PELI1: variants seen among roughly 807,000 people sequenced by gnomAD.
PELI1 encodes pellino E3 ubiquitin protein ligase 1.
A neutral mutation model predicts 41.3 loss-of-function variants in PELI1; 15 were observed. The ratio of observed to expected loss-of-function variants is 0.36; its 90% CI spans 0.24 to 0.56. PELI1 has a LOEUF of 0.56. PELI1 is among the 20% of genes least tolerant of loss of function. PELI1 has a pLI of 0.82. For synonymous variants in PELI1, 178 were observed against 180.1 expected, an observed-to-expected ratio of 0.99 and a Z score of 0.09; for missense variants, 403 against 525.5, an observed-to-expected ratio of 0.77 and a Z score of 2.28.
chr2:64,110,315 T>C (rs1422211417), intron 1 of PELI1, among the ~76,000 whole-genome samples: 2 of 149,010 alleles, frequency 1.3e-5, no homozygotes, highest in African/African-American at 5.0e-5. Flanking sequence ...ACTGCATTTA[T>C]AACGACAATT....
In PELI1 at chr2:64,101,824, A is replaced by ATT. The variant is rs34370706; in HGVS notation, c.202-1327_202-1326dup. ...CTTAATACTGCCACTTTTGCTTCTG[A>ATT]TTTTTTTTTTTTTTTTTTTTGGAGA... is the stretch of plus-strand genomic sequence containing the variant. On this transcript the variant is annotated intron_variant, in intron 3 of 6. Transcript: ENST00000358912. Among the ~76,000 whole-genome samples the ATT allele has an allele frequency of 4.7e-3, 567 of 121,074 alleles. 7 individuals carry two copies. Among genetic ancestry groups the ATT allele is most frequent in the Middle Eastern group, 0.034 (8 of 238 alleles). 79.4% of individuals were successfully genotyped at this position (121,074 alleles called of 152,430 possible).
At chr2:64,100,993 G>A (rs1222699537) in intron 3 of PELI1, among the ~76,000 whole-genome samples, 1 of 152,112 alleles carries the variant, frequency 6.6e-6, no homozygotes, top group African/African-American at 2.4e-5. Context: ...GCCTCCCAAA[G>A]TGCTAGGATT....
chr2:64,109,585 C>A (rs1680737072), intron 1 of PELI1, among the ~76,000 whole-genome samples: 1 of 152,146 alleles, frequency 6.6e-6, no homozygotes, highest in South Asian at 2.1e-4. Context: ...GAGGTTGAGG[C>A]AGGAGAACCA....
chr2:64,104,213 T>C (rs975721127), intron 3 of PELI1, among the ~76,000 whole-genome samples: 1 of 152,224 alleles, frequency 6.6e-6, no homozygotes, highest in Non-Finnish European at 1.5e-5. Context: ...TATGAAGTTA[T>C]AAACCAAAAA....
intron 1 of PELI1, among the ~76,000 whole-genome samples, chr2:64,131,409 A>G (rs1175104245): frequency 6.6e-6 from 1 of 152,020 alleles, no homozygotes; most frequent in Admixed American, 6.6e-5. Flanking sequence ...AAGTGCTATG[A>G]AAATAGTTGT....
chr2:64,106,661 G>T (rs1309673771), intron 2 of PELI1, among the ~76,000 whole-genome samples: 1 of 152,124 alleles, frequency 6.6e-6, no homozygotes, highest in African/African-American at 2.4e-5. Context: ...CATTTTTACA[G>T]ACAAGGAAAC....
chr2:64,113,342 T>G (rs1680886696), intron 1 of PELI1, among the ~76,000 whole-genome samples: 1 of 151,916 alleles, frequency 6.6e-6, no homozygotes, highest in African/African-American at 2.4e-5. Flanking sequence ...CTTGAGAACT[T>G]TAAATGAGTA....
At chr2:64,107,915 T>G (rs1230535212) in intron 2 of PELI1, among the ~76,000 whole-genome samples, 1 of 152,168 alleles carries the variant, frequency 6.6e-6, no homozygotes, top group Non-Finnish European at 1.5e-5. Context: ...TGGCCTCAGG[T>G]AATCTGCCTG....
chr2:64,098,691 T>C lies in PELI1; in HGVS notation c.303+1707A>G, dbSNP rs145910014. On this transcript the variant is annotated intron_variant, in intron 4 of 6. Transcript: ENST00000358912. ...GTACTTCATAGTGACAAACAAGGCATAGAGTTGGAGTTGGAATATCTGATG... is the reference window on the plus strand; with the variant it reads ...GTACTTCATAGTGACAAACAAGGCACAGAGTTGGAGTTGGAATATCTGATG... Among the ~76,000 whole-genome samples, 200 of 152,308 alleles carry C rather than the reference T, an allele frequency of 1.3e-3. 1 individual carries two copies. Among genetic ancestry groups the C allele is most frequent in the African/African-American group, 4.5e-3 (188 of 41,570 alleles).
rs1483374933 is a variant in PELI1, at chr2:64,092,714, C to T, written c.*1988G>A. The T allele has an allele frequency of 1.3e-5, 2 of 152,160 alleles. No homozygotes were observed. The highest frequency in any genetic ancestry group is 4.8e-5 in the African/African-American group (2 of 41,428). 9.4% of individuals were successfully genotyped at this position (152,160 alleles called of 1,614,324 possible). A position where few individuals can be genotyped will look rare whatever the true frequency, so the allele number is the denominator to read the frequency against. On this transcript the variant is annotated 3_prime_UTR_variant, in exon 7 of 7. Transcript: ENST00000358912. ...GATGCTTTTAAAAAAGAACCAGATA[C>T]TTTAAAGTGTTACATTAAATGCAAA...
At chr2:64,101,734 G>A (rs1393346546) in intron 3 of PELI1, among the ~76,000 whole-genome samples, 1 of 150,992 alleles carries the variant, frequency 6.6e-6, no homozygotes, top group Non-Finnish European at 1.5e-5. Flanking sequence ...TATACAAAGA[G>A]AATACAGAAA....
intron 1 of PELI1, among the ~76,000 whole-genome samples, chr2:64,115,140 T>C (rs1394277940): frequency 6.6e-6 from 1 of 152,172 alleles, no homozygotes; most frequent in Non-Finnish European, 1.5e-5. Flanking sequence ...TTTCTGTACA[T>C]TTAAAATATT....
At position 64,104,697 on chromosome 2, in the gene PELI1, T is replaced by A; in HGVS notation, c.201+4A>T. 1 of 1,551,130 alleles carries A rather than the reference T, an allele frequency of 6.4e-7. No homozygotes were observed. ...TTTATGTAGCTTTTTTTTTTTTTTT[T>A]TACCTTTGCAGCCTGAGGAGTACAA... On this transcript the variant is annotated splice_donor_region_variant and intron_variant, in intron 3 of 6. Transcript: ENST00000358912.
At chr2:64,114,071 G>C (rs1462588322) in intron 1 of PELI1, among the ~76,000 whole-genome samples, 1 of 152,058 alleles carries the variant, frequency 6.6e-6, no homozygotes, top group Non-Finnish European at 1.5e-5. Flanking sequence ...GTGGGCAAGT[G>C]GGTAGGCATA....
Position 64,120,019 on chromosome 2 carries a change from T to C in PELI1, c.-69-11640A>G, listed in dbSNP as rs146266477. ...TACTATATTATCCCAGGCATAAAAA[T>C]AGGTGAACATTCAATCACATTTTCA... On this transcript the variant is annotated intron_variant, in intron 1 of 6. Transcript: ENST00000358912. Among the ~76,000 whole-genome samples, 41 of 152,340 alleles carry C rather than the reference T, an allele frequency of 2.7e-4. No homozygotes were observed. In the East Asian group the frequency reaches 7.5e-3, roughly 28 times the overall value.
At chr2:64,103,500 A>G (rs553770362) in intron 3 of PELI1, among the ~76,000 whole-genome samples, 7 of 152,068 alleles carry the variant, frequency 4.6e-5, no homozygotes, top group African/African-American at 1.7e-4. Flanking sequence ...CTCCGGGGGG[A>G]GCTACTGTAA....
chr2:64,129,596 T>C (rs1054530402), intron 1 of PELI1, among the ~76,000 whole-genome samples: 1 of 152,176 alleles, frequency 6.6e-6, no homozygotes, highest in East Asian at 1.9e-4. Context: ...TCATGAGATA[T>C]ATTATTTCTT....
chr2:64,128,426 C>T (rs1681457433), intron 1 of PELI1, among the ~76,000 whole-genome samples: 3 of 152,020 alleles, frequency 2.0e-5, no homozygotes, highest in African/African-American at 7.2e-5. Flanking sequence ...TCCTTTTGAA[C>T]TAAGTGATTA....
chr2:64,122,159 G>GA (rs1681241129), intron 1 of PELI1, among the ~76,000 whole-genome samples: 1 of 151,424 alleles, frequency 6.6e-6, no homozygotes, highest in Non-Finnish European at 1.5e-5. Context: ...TTCTTGGTGG[G>GA]AATCAAAGTT....
Sources: allele counts gnomAD v4.1 joint callset (sites outside exome capture counted in the v4.1 genomes callset), GRCh38; gene constraint gnomAD v4.1.1; transcripts MANE v1.5; gene names NCBI Gene and HGNC (gene_info 2026-07-23, HGNC 2026-07-21).